The following USP34 variants were observed in gnomAD, a reference collection of about 807,000 sequenced individuals.
USP34 encodes the protein ubiquitin specific peptidase 34, also known as ubiquitin carboxyl-terminal hydrolase 34.
A neutral mutation model predicts 460.3 loss-of-function variants in USP34; 70 were observed. The observed-to-expected ratio is 0.15, with a 90% CI of 0.13 to 0.19. The LOEUF is 0.19. Among genes scored for constraint, USP34 ranks in the 10% least tolerant of loss-of-function variants. USP34 has a pLI of 1.00. For missense variants in USP34, 3,985 were observed against 4,236.2 expected, an observed-to-expected ratio of 0.94 and a Z score of 1.65; for synonymous variants, 1,647 against 1,405.3, an observed-to-expected ratio of 1.17 and a Z score of -3.85.
At chr2:61,396,280 G>A (rs1007697743) in intron 3 of USP34, among the ~76,000 whole-genome samples, 2 of 152,032 alleles carry the variant, frequency 1.3e-5, no homozygotes, top group African/African-American at 4.8e-5. Context: ...GTATAAGTTC[G>A]TATGAACTTT....
intron 2 of USP34, among the ~76,000 whole-genome samples, chr2:61,407,011 A>C (rs1463909476): frequency 2.6e-5 from 4 of 151,048 alleles, no homozygotes. Context: ...ACGCAGTCTC[A>C]AAAAAAAAGT....
At chr2:61,226,810 T>G in intron 62 of USP34, 1 of 361,028 alleles carries the variant, frequency 2.8e-6, no homozygotes, top group South Asian at 7.3e-5. Context: ...TTTTACTGTA[T>G]ATTTTTTCAA....
intron 1 of USP34, among the ~76,000 whole-genome samples, chr2:61,425,918 G>A (rs958198078): frequency 6.6e-6 from 1 of 151,854 alleles, no homozygotes; most frequent in Non-Finnish European, 1.5e-5. Flanking sequence ...GGACTCTCTT[G>A]CATCTTGGAT....
intron 2 of USP34, among the ~76,000 whole-genome samples, chr2:61,418,548 A>G (rs1694264914): frequency 6.6e-6 from 1 of 152,226 alleles, no homozygotes; most frequent in African/African-American, 2.4e-5. Flanking sequence ...GCTAAGGTTC[A>G]CTTATGGACT....
At chr2:61,433,847 G>A (rs2104003985) in intron 1 of USP34, among the ~76,000 whole-genome samples, 1 of 152,196 alleles carries the variant, frequency 6.6e-6, no homozygotes, top group Middle Eastern at 3.4e-3. Context: ...ACCCTCTGGG[G>A]GCCAGTAGCC....
In USP34 at chr2:61,225,054, T is replaced by G. The variant is rs1413702697; in HGVS notation, c.7596-1758A>C. 2.6e-5 allele frequency among the ~76,000 whole-genome samples: 4 copies of G among 152,324 alleles called. No individual in the cohort carries two copies. The East Asian group carries it at 7.7e-4, about 29-fold the overall frequency. ...CCAAGGGTACTCATTGATTCTGGGTTGTACAGGGTTTCCAGGTCTTTTCAG... is the reference window on the plus strand; with the variant it reads ...CCAAGGGTACTCATTGATTCTGGGTGGTACAGGGTTTCCAGGTCTTTTCAG... On this transcript the variant is annotated intron_variant, in intron 62 of 79. Coordinates refer to ENST00000398571, the MANE Select transcript of USP34 (RefSeq NM_014709.4).
At chr2:61,279,375 C>A (rs538908861) in intron 39 of USP34, among the ~76,000 whole-genome samples, 2 of 152,126 alleles carry the variant, frequency 1.3e-5, no homozygotes, top group East Asian at 3.9e-4. Context: ...TTCTCATTTT[C>A]TTCTGAATTG....
intron 23 of USP34, among the ~76,000 whole-genome samples, chr2:61,317,080 T>C (rs1461912304): frequency 6.6e-6 from 1 of 152,236 alleles, no homozygotes; most frequent in East Asian, 1.9e-4. Context: ...AATATTTGGC[T>C]GTATTATCTA....
chr2:61,195,886 C>G (rs910756458), intron 75 of USP34, among the ~76,000 whole-genome samples: 2 of 151,912 alleles, frequency 1.3e-5, no homozygotes, highest in Admixed American at 6.6e-5. Flanking sequence ...TACTATCCCC[C>G]CAAAGTAAAA....
At chr2:61,461,705 C>T (rs922610105) in intron 1 of USP34, among the ~76,000 whole-genome samples, 11 of 152,086 alleles carry the variant, frequency 7.2e-5, no homozygotes, top group African/African-American at 2.7e-4. Context: ...TGAAAGTGCC[C>T]TTACACAGGC....
At chr2:61,197,219 C>T (rs2103752217) in intron 75 of USP34, among the ~76,000 whole-genome samples, 2 of 152,202 alleles carry the variant, frequency 1.3e-5, no homozygotes, top group South Asian at 4.2e-4. Flanking sequence ...TGCAGTGAGC[C>T]GAAACTGTGC....
chr2:61,298,364 CAAAAAAAAAA>C (rs11417017), intron 29 of USP34, among the ~76,000 whole-genome samples: 1 of 48,048 alleles, frequency 2.1e-5, no homozygotes, highest in African/African-American at 8.4e-5. Context: ...TACAAAAATA[CAAAAAAAAAA>C]AAAAAAAAAA....
rs189177837 is a variant in USP34, at chr2:61,313,053, T to C, written c.3543-1143A>G. On this transcript the variant is annotated intron_variant, in intron 25 of 79. Transcript: ENST00000398571. ...GCACTAAGCACATCAAGAACAAAAT[T>C]TTGCATGAAAAATACCTAAGTAAAT... Among the ~76,000 whole-genome samples, 48 of 152,218 alleles carry C rather than the reference T, an allele frequency of 3.2e-4. 1 individual carries two copies. The highest frequency in any genetic ancestry group is 2.4e-3 in the Admixed American group (37 of 15,278).
At chr2:61,383,701 C>T (rs1010652405) in intron 5 of USP34, among the ~76,000 whole-genome samples, 3 of 152,050 alleles carry the variant, frequency 2.0e-5, no homozygotes, top group East Asian at 1.9e-4. Context: ...GCCTGGGCAA[C>T]GGAGCGAGAC....
intron 33 of USP34, among the ~76,000 whole-genome samples, chr2:61,290,681 T>C (rs1300919350): frequency 6.6e-6 from 1 of 151,832 alleles, no homozygotes; most frequent in Non-Finnish European, 1.5e-5. Context: ...TCTTAAGTAA[T>C]GGAAATATTC....
At chr2:61,226,971 A>G (rs1358149439) in intron 62 of USP34, 96 bp downstream of exon 62, 2 of 1,330,584 alleles carry the variant, frequency 1.5e-6, no homozygotes, top group South Asian at 1.6e-5. Flanking sequence ...TTAAACATAT[A>G]TAATAAAAAG....
At chr2:61,274,064 C>T (rs369481520) in intron 41 of USP34, among the ~76,000 whole-genome samples, 1 of 151,318 alleles carries the variant, frequency 6.6e-6, no homozygotes, top group East Asian at 1.9e-4. Context: ...AAGATCAATA[C>T]ACCTGACTAC....
intron 48 of USP34, among the ~76,000 whole-genome samples, chr2:61,251,458 G>C (rs945404861): frequency 6.6e-6 from 1 of 152,168 alleles, no homozygotes; most frequent in Non-Finnish European, 1.5e-5. Context: ...ACATAACTAT[G>C]CTAATTTTTC....
At chr2:61,265,316 A>G (rs1689015914) in intron 43 of USP34, 81 bp downstream of exon 43, 1 of 1,434,946 alleles carries the variant, frequency 7.0e-7, no homozygotes, top group Non-Finnish European at 9.4e-7. Context: ...TCAAACATTT[A>G]CTACATTGAA....
Sources: allele counts gnomAD v4.1 joint callset (sites outside exome capture counted in the v4.1 genomes callset), GRCh38; gene constraint gnomAD v4.1.1; transcripts MANE v1.5; gene names NCBI Gene and HGNC (gene_info 2026-07-23, HGNC 2026-07-21).